HDAC4: variants seen among roughly 807,000 people sequenced by gnomAD.
HDAC4 encodes the protein histone deacetylase 4, also known as histone deacetylase A.
In HDAC4, 16 loss-of-function variants were observed where a neutral mutation model predicts 135.1. The observed-to-expected ratio is 0.12, with a 90% CI of 0.08 to 0.18. The LOEUF is 0.18. Among genes scored for constraint, HDAC4 ranks in the 10% least tolerant of loss-of-function variants. The probability of loss-of-function intolerance (pLI) is 1.00; values close to 1 mark genes in which losing one functional copy is unlikely to be tolerated. For synonymous variants in HDAC4, 685 were observed against 653.4 expected, an observed-to-expected ratio of 1.05 and a Z score of -0.74; for missense variants, 1,143 against 1,511.8, an observed-to-expected ratio of 0.76 and a Z score of 4.05.
intron 11 of HDAC4, among the ~76,000 whole-genome samples, chr2:239,127,126 T>C (rs961811539): frequency 2.6e-5 from 4 of 152,206 alleles, no homozygotes; most frequent in African/African-American, 7.2e-5. Context: ...TCTGGGAGCC[T>C]CCACATATTT....
At chr2:239,148,245 G>A (rs2041890698) in intron 7 of HDAC4, among the ~76,000 whole-genome samples, 1 of 152,180 alleles carries the variant, frequency 6.6e-6, no homozygotes, top group South Asian at 2.1e-4. Context: ...AAGACAAGAG[G>A]ACAAAAACTA....
At chr2:239,296,563 C>T (rs551840408) in intron 2 of HDAC4, among the ~76,000 whole-genome samples, 6 of 152,336 alleles carry the variant, frequency 3.9e-5, no homozygotes, top group East Asian at 1.9e-4. Flanking sequence ...CAATGCTGGC[C>T]GGCATTTAAG....
At chr2:239,142,726 A>C (rs2041475923) in intron 8 of HDAC4, among the ~76,000 whole-genome samples, 1 of 150,614 alleles carries the variant, frequency 6.6e-6, no homozygotes, top group South Asian at 2.1e-4. Flanking sequence ...GGGTGAGCTT[A>C]GCACTGATCA....
At chr2:239,109,097 C>T (rs2038430746) in intron 14 of HDAC4, among the ~76,000 whole-genome samples, 1 of 152,224 alleles carries the variant, frequency 6.6e-6, no homozygotes, top group African/African-American at 2.4e-5. Context: ...CCCCTTCTCA[C>T]CAGGCCTTGG....
intron 2 of HDAC4, among the ~76,000 whole-genome samples, chr2:239,336,512 A>G (rs1691949937): frequency 6.6e-6 from 1 of 152,232 alleles, no homozygotes. Flanking sequence ...ATGCACAACC[A>G]TAAAAAAAAG....
chr2:239,399,468 C>A (rs989649427), intron 1 of HDAC4, among the ~76,000 whole-genome samples: 1 of 152,192 alleles, frequency 6.6e-6, no homozygotes, highest in African/African-American at 2.4e-5. Flanking sequence ...ACCACACCAG[C>A]CTTCTTTGGA....
chr2:239,194,861 C>T (rs1449341614), intron 3 of HDAC4, among the ~76,000 whole-genome samples: 1 of 152,222 alleles, frequency 6.6e-6, no homozygotes, highest in Non-Finnish European at 1.5e-5. Flanking sequence ...AGCAGTTTAG[C>T]GCATGCTGGA....
chr2:239,236,627 C>T lies in HDAC4; in HGVS notation c.60G>A (p.Leu20=), dbSNP rs1473558467. 6.4e-7 allele frequency: 1 copy of T among 1,551,766 alleles called. No homozygotes were observed. Among genetic ancestry groups the T allele is most frequent in the Non-Finnish European group, 8.7e-7 (1 of 1,147,002 alleles). ...LSGRDQPVEL[L]NPARVNHMPS... is the part of the protein sequence containing the mutation. ...GCATGTGGTTCACGCGGGCAGGATT[C>T]AGCAGCTCCACTGGCTGGTCTCGGC... is the stretch of plus-strand genomic sequence containing the variant. The change falls in exon 3 of 27, where the codon CTG becomes CTA. Residue 20 remains leucine (L), a synonymous_variant. Transcript: ENST00000543185.
intron 19 of HDAC4, among the ~76,000 whole-genome samples, chr2:239,087,129 T>C (rs558788236): frequency 7.9e-5 from 12 of 152,320 alleles, no homozygotes; most frequent in Non-Finnish European, 1.8e-4. Flanking sequence ...GCTGCCTGCA[T>C]GGACGTGGCT....
At chr2:239,355,214 T>C (rs1039918595) in intron 1 of HDAC4, among the ~76,000 whole-genome samples, 1 of 152,188 alleles carries the variant, frequency 6.6e-6, no homozygotes. Context: ...CTCAGGAAAA[T>C]GTTCTTCAAT....
chr2:239,095,181 G>A lies in HDAC4; in HGVS notation c.2234-125C>T, dbSNP rs1364913115. The A allele has an allele frequency of 2.0e-5, 20 of 985,398 alleles. 1 individual carries two copies. The highest frequency in any genetic ancestry group is 3.2e-5 in the African/African-American group (2 of 62,930). 61.0% of individuals were successfully genotyped at this position (985,398 alleles called of 1,614,324 possible). A position where few individuals can be genotyped will look rare whatever the true frequency, so the allele number is the denominator to read the frequency against. ...ATTTGTGGGACAACGAGGGGCCACTGCTCCCCCTTGTGACACCCTGTGGCC... is the reference window on the plus strand; with the variant it reads ...ATTTGTGGGACAACGAGGGGCCACTACTCCCCCTTGTGACACCCTGTGGCC... On this transcript the variant is annotated intron_variant, in intron 16 of 26. Transcript: ENST00000543185.
intron 3 of HDAC4, among the ~76,000 whole-genome samples, chr2:239,206,274 G>C (rs2046039070): frequency 6.6e-6 from 1 of 152,306 alleles, no homozygotes; most frequent in Non-Finnish European, 1.5e-5. Context: ...GCTGCAGTGA[G>C]CTGAGATTGC....
At chr2:239,251,020 C>G (rs1050512734) in intron 2 of HDAC4, among the ~76,000 whole-genome samples, 1 of 152,184 alleles carries the variant, frequency 6.6e-6, no homozygotes, top group African/African-American at 2.4e-5. Flanking sequence ...GAAAGAGACT[C>G]GTCAGCTGGC....
chr2:239,192,905 A>G (rs2153051372), intron 3 of HDAC4, among the ~76,000 whole-genome samples: 1 of 152,376 alleles, frequency 6.6e-6, no homozygotes, highest in African/African-American at 2.4e-5. Context: ...GAAGGGATAA[A>G]GTTAGAAAAA....
chr2:239,292,502 G>A (rs76104096), intron 2 of HDAC4, among the ~76,000 whole-genome samples: 5,443 of 152,234 alleles, frequency 0.036, 125 homozygotes, highest in East Asian at 0.079. Flanking sequence ...CCACTCCAGC[G>A]AGAAACCAGT....
intron 7 of HDAC4, among the ~76,000 whole-genome samples, chr2:239,152,679 G>A (rs867364684): frequency 6.6e-6 from 1 of 152,182 alleles, no homozygotes. Flanking sequence ...CCAGATTTTG[G>A]GTATAAATCT....
At chr2:239,394,696 G>T (rs1696450388) in intron 1 of HDAC4, among the ~76,000 whole-genome samples, 1 of 152,246 alleles carries the variant, frequency 6.6e-6, no homozygotes, top group Non-Finnish European at 1.5e-5. Flanking sequence ...CAGAGCACTG[G>T]CAAGAACCCC....
At chr2:239,393,054 T>G (rs925226697) in intron 1 of HDAC4, among the ~76,000 whole-genome samples, 1 of 152,160 alleles carries the variant, frequency 6.6e-6, no homozygotes, top group Non-Finnish European at 1.5e-5. Flanking sequence ...CCAGCACTGC[T>G]AGAAGGAAGG....
chr2:239,291,192 T>C (rs2051469943), intron 2 of HDAC4, among the ~76,000 whole-genome samples: 1 of 152,220 alleles, frequency 6.6e-6, no homozygotes, highest in Admixed American at 6.5e-5. Flanking sequence ...ACTGGGACGC[T>C]GCCGTCGAGT....
Sources: gnomAD v4.1 joint callset for allele counts (sites outside exome capture counted in the v4.1 genomes callset) on GRCh38, gnomAD v4.1.1 for gene constraint, MANE v1.5 for transcripts, NCBI Gene and HGNC (gene_info 2026-07-23, HGNC 2026-07-21) for gene names.